CCDC149: variants seen among roughly 807,000 people sequenced by gnomAD.
The protein encoded by CCDC149 is coiled-coil domain containing 149.
A neutral mutation model predicts 59.9 loss-of-function variants in CCDC149; 45 were observed. That is an observed-to-expected ratio of 0.75 (90% CI 0.59 to 0.96). The LOEUF (loss-of-function observed/expected upper bound fraction) is 0.96. Ranked by LOEUF, CCDC149 falls within the 40% of genes least tolerant of loss-of-function variation. The pLI is 0.00. For missense variants in CCDC149, 584 were observed against 664.7 expected, an observed-to-expected ratio of 0.88 and a Z score of 1.33; for synonymous variants, 245 against 260.6, an observed-to-expected ratio of 0.94 and a Z score of 0.58.
chr4:24,804,992 G>A (rs1714081155), downstream of CCDC149, among the ~76,000 whole-genome samples: 2 of 152,180 alleles, frequency 1.3e-5, no homozygotes, highest in South Asian at 2.1e-4. Context: ...GGAACGGGGA[G>A]GGGAGAAGAA....
intron 1 of CCDC149, among the ~76,000 whole-genome samples, chr4:24,967,784 C>G (rs1389762791): frequency 2.0e-5 from 3 of 151,990 alleles, no homozygotes; most frequent in Middle Eastern, 3.4e-3. Flanking sequence ...CTTGCAGCAA[C>G]ATTTGGCAGC....
intron 11 of CCDC149, chr4:24,820,273 C>T (rs888289729): frequency 8.7e-5 from 25 of 286,906 alleles, no homozygotes; most frequent in African/African-American, 2.4e-4. Context: ...CTAAGTGGAC[C>T]GCAGATTCTT....
intron 1 of CCDC149, among the ~76,000 whole-genome samples, chr4:24,898,892 G>A (rs1720996799): frequency 6.6e-6 from 1 of 152,152 alleles, no homozygotes; most frequent in African/African-American, 2.4e-5. Flanking sequence ...GAATGATCTG[G>A]CCAGAGTCAG....
chr4:24,874,266 TTTTTTTTTG>T (rs1560230616), intron 2 of CCDC149, among the ~76,000 whole-genome samples: 1 of 26,506 alleles, frequency 3.8e-5, no homozygotes, highest in Non-Finnish European at 9.1e-5. Flanking sequence ...TTTTGTTTTG[TTTTTTTTTG>T]TTTTTTTGCC....
At chr4:24,930,382 G>C (rs1222060593) in intron 1 of CCDC149, among the ~76,000 whole-genome samples, 1 of 152,176 alleles carries the variant, frequency 6.6e-6, no homozygotes, top group African/African-American at 2.4e-5. Context: ...AAATAAATGT[G>C]TCCCATGTTT....
chr4:24,901,091 A>T (rs1446720112), intron 1 of CCDC149, among the ~76,000 whole-genome samples: 1 of 152,236 alleles, frequency 6.6e-6, no homozygotes, highest in Non-Finnish European at 1.5e-5. Context: ...AACTGACTTG[A>T]AGAAAATATG....
rs1479746093 is a variant in CCDC149 at position 24,808,628 on chromosome 4, T to C, written c.1384A>G (p.Ile462Val). ...GCTGCCTGTTCCTTTGTCAGTTTAA[T>C]TATTTCCCTCCCAAGGCTGTTTACT... The change falls in exon 13 of 13, where the codon ATT becomes GTT. Residue 462 changes from isoleucine (I) to valine (V), a missense_variant. By Grantham distance (29) the Ile-to-Val change is conservative. Coordinates refer to ENST00000635206, the MANE Select transcript of CCDC149 (RefSeq NM_001330643.2). 5.2e-6 allele frequency: 8 copies of C among 1,552,420 alleles called. No individual in the cohort carries two copies. The highest frequency in any genetic ancestry group is 7.0e-6 in the Non-Finnish European group (8 of 1,147,154).
At chr4:24,939,654 A>T (rs7665131) in intron 1 of CCDC149, among the ~76,000 whole-genome samples, 69,641 of 151,908 alleles carry the variant, frequency 0.46, 18,887 homozygotes, top group African/African-American at 0.77. Context: ...TGAAAAAAAA[A>T]TAGACGAATG....
chr4:24,875,680 C>A (rs1719368988), intron 2 of CCDC149, among the ~76,000 whole-genome samples: 1 of 151,944 alleles, frequency 6.6e-6, no homozygotes, highest in African/African-American at 2.4e-5. Context: ...TATACACTGT[C>A]CAATACAGTA....
intron 1 of CCDC149, among the ~76,000 whole-genome samples, chr4:24,955,012 CT>C (rs1451655299): frequency 2.6e-5 from 4 of 152,196 alleles, no homozygotes; most frequent in African/African-American, 9.7e-5. Flanking sequence ...TATACAGTAT[CT>C]CAGATGCCTT....
chr4:24,812,656 G>C (rs1714698938), intron 12 of CCDC149, among the ~76,000 whole-genome samples: 1 of 152,178 alleles, frequency 6.6e-6, no homozygotes. Flanking sequence ...TGCCAATAAA[G>C]ACATACCCAA....
At chr4:24,835,494 C>T (rs921575037) in intron 7 of CCDC149, among the ~76,000 whole-genome samples, 5 of 152,152 alleles carry the variant, frequency 3.3e-5, no homozygotes, top group African/African-American at 9.7e-5. Flanking sequence ...ACATATGTGC[C>T]ACCTACATGT....
intron 3 of CCDC149, among the ~76,000 whole-genome samples, chr4:24,867,254 A>T (rs1461809774): frequency 6.6e-6 from 1 of 152,242 alleles, no homozygotes; most frequent in East Asian, 1.9e-4. Flanking sequence ...TCTCAATATC[A>T]TGTCCACTAT....
intron 9 of CCDC149, among the ~76,000 whole-genome samples, chr4:24,826,336 G>C (rs889745871): frequency 6.6e-6 from 1 of 152,194 alleles, no homozygotes; most frequent in Non-Finnish European, 1.5e-5. Context: ...TGAGAATGGA[G>C]TGGAAGGAGT....
At chr4:24,893,197 T>C (rs963807510) in intron 1 of CCDC149, among the ~76,000 whole-genome samples, 15 of 152,322 alleles carry the variant, frequency 9.8e-5, no homozygotes, top group Middle Eastern at 3.4e-3. Flanking sequence ...TGCCACATAG[T>C]GGTCTGCAAA....
rs1158701352 is a variant in CCDC149, at chr4:24,837,536, C to T, written c.490-136G>A. The T allele has an allele frequency of 4.3e-6, 3 of 703,162 alleles. No homozygotes were observed. Among genetic ancestry groups the T allele is most frequent in the Non-Finnish European group, 7.1e-6 (3 of 423,568 alleles). The allele number at this position is 703,162 out of a possible 1,614,324, so 43.6% of individuals were successfully genotyped here. A position where few individuals can be genotyped will look rare whatever the true frequency, so the allele number is the denominator to read the frequency against. ...TACCCGCATGCCCTAAAGCCATAAG[C>T]GCCACACACTGAAATACAATAACAG... On this transcript the variant is annotated intron_variant, in intron 5 of 12. Transcript: ENST00000635206. The surrounding 1 kb of genome is among the most constrained non-coding windows in gnomAD (Gnocchi z 4.3).
chr4:24,935,696 C>T (rs1329562382), intron 1 of CCDC149, among the ~76,000 whole-genome samples: 1 of 152,104 alleles, frequency 6.6e-6, no homozygotes, highest in African/African-American at 2.4e-5. Flanking sequence ...TTCCAGTCCC[C>T]AGAACTGTGA....
At chr4:24,849,279 C>G (rs190188844) in intron 4 of CCDC149, among the ~76,000 whole-genome samples, 1 of 152,142 alleles carries the variant, frequency 6.6e-6, no homozygotes, top group Admixed American at 6.6e-5. Flanking sequence ...GAGGGTAATG[C>G]GTGGCTTTGT....
intron 3 of CCDC149, among the ~76,000 whole-genome samples, chr4:24,866,652 T>C (rs1248484500): frequency 6.6e-6 from 1 of 152,092 alleles, no homozygotes; most frequent in African/African-American, 2.4e-5. Flanking sequence ...CACAGCTTCT[T>C]TAACGGATGA....
Sources: gnomAD v4.1 joint callset for allele counts (sites outside exome capture counted in the v4.1 genomes callset) on GRCh38, gnomAD v4.1.1 for gene constraint, Gnocchi (gnomAD v3.1) non-coding constraint, MANE v1.5 for transcripts, NCBI Gene and HGNC (gene_info 2026-07-23, HGNC 2026-07-21) for gene names.